Variants in TFPT observed in about 807,000 individuals in gnomAD.
TFPT encodes the protein TCF3 fusion partner, also known as INO80 complex subunit F.
In TFPT, 27 loss-of-function variants were observed where a neutral mutation model predicts 28.8. The observed-to-expected ratio is 0.94, with a 90% CI of 0.69 to 1.29. The LOEUF is 1.29. TFPT is among the 50% of genes most tolerant of loss of function. The probability of loss-of-function intolerance (pLI) is 0.00; values close to 1 mark genes in which losing one functional copy is unlikely to be tolerated. For synonymous variants in TFPT, 152 were observed against 142.8 expected (o/e 1.06, Z -0.46); for missense variants, 330 against 338.0 (o/e 0.98, Z 0.19).
At chr19:54,111,618 T>G (rs780417768) in intron 2 of TFPT, among the ~76,000 whole-genome samples, 1 of 143,762 alleles carries the variant, frequency 7.0e-6, no homozygotes. Flanking sequence ...AGCTGGAGGT[T>G]GCAGTGAGCC....
At chr19:54,110,748 C>G (rs1357905552) in intron 2 of TFPT, among the ~76,000 whole-genome samples, 3 of 151,932 alleles carry the variant, frequency 2.0e-5, no homozygotes, top group Non-Finnish European at 4.4e-5. Context: ...CATGCCAGAA[C>G]CCCACCCGGC....
At chr19:54,115,071 C>T in intron 1 of TFPT, 176 bp downstream of exon 1, 1 of 989,438 alleles carries the variant, frequency 1.0e-6, no homozygotes, top group Non-Finnish European at 1.5e-6. Context: ...CAGTCCAAAC[C>T]CCTAACCTTC....
rs893906178 is a variant in TFPT at position 54,108,575 on chromosome 19, G to A, written c.354-180C>T. 5.0e-6 allele frequency: 8 copies of A among 1,585,630 alleles called. No homozygotes were observed. The South Asian group carries it at 5.7e-5, about 11-fold the overall frequency. On this transcript the variant is annotated intron_variant, in intron 3 of 5. Transcript: ENST00000391759. ...TGCCCTTGACCAGCCTTGAGACCTCGAGCAAGACAAGGCAACCATTCTGAG... is the reference window on the plus strand; with the variant it reads ...TGCCCTTGACCAGCCTTGAGACCTCAAGCAAGACAAGGCAACCATTCTGAG...
intron 3 of TFPT, 79 bp from the exon 4 acceptor site, chr19:54,108,474 C>T (rs1221101177): frequency 1.9e-6 from 3 of 1,613,588 alleles, no homozygotes; most frequent in East Asian, 2.2e-5. Flanking sequence ...TAGAGCTCAG[C>T]TCCCACTCCA....
intron 2 of TFPT, among the ~76,000 whole-genome samples, chr19:54,111,497 T>TAAA (rs11304668): frequency 1.8e-5 from 2 of 111,086 alleles, no homozygotes; most frequent in South Asian, 2.8e-4. Flanking sequence ...TCATCTCTAC[T>TAAA]AAAAAAAAAA....
chr19:54,111,684 GA>G (rs56412241), intron 2 of TFPT, among the ~76,000 whole-genome samples: 77,043 of 119,644 alleles, frequency 0.64, 22,617 homozygotes, highest in East Asian at 0.76. Flanking sequence ...TGTCTCAAAA[GA>G]AAAAAAAAAA....
intron 1 of TFPT, chr19:54,114,958 G>A: frequency 3.0e-6 from 2 of 660,274 alleles, no homozygotes; most frequent in South Asian, 2.1e-5. Context: ...CAAGAGTCCA[G>A]ACCTCCAGAC....
At position 54,114,500 on chromosome 19, in the gene TFPT, C is replaced by T; in HGVS notation, c.224G>A (p.Arg75Gln). ...EAARGRRRRQ[R>Q]ELNRRKYQAL... ...CTGGTACTTTCTGCGATTTAATTCCCGCTGGCGCCGCCGCCGACCCCGGGC... is the reference window on the plus strand; with the variant it reads ...CTGGTACTTTCTGCGATTTAATTCCTGCTGGCGCCGCCGCCGACCCCGGGC... Residue 75 changes from arginine to glutamine, a missense_variant, in exon 2 of 6, where the codon CGG becomes CAG. Physicochemically the swap from Arg to Gln is conservative, Grantham distance 43. Coordinates refer to ENST00000391759, the MANE Select transcript of TFPT (RefSeq NM_013342.4). The T allele has an allele frequency of 6.2e-7, 1 of 1,613,876 alleles. No individual in the cohort carries two copies. The highest frequency in any genetic ancestry group is 8.5e-7 in the Non-Finnish European group (1 of 1,179,996).
chr19:54,111,779 G>GT (rs1433138081), intron 2 of TFPT, among the ~76,000 whole-genome samples: 3 of 151,548 alleles, frequency 2.0e-5, no homozygotes, highest in African/African-American at 4.9e-5. Context: ...GAGGTCAGGA[G>GT]TTTGAGACCA....
At chr19:54,112,044 C>A (rs1443996433) in intron 2 of TFPT, among the ~76,000 whole-genome samples, 6 of 151,996 alleles carry the variant, frequency 3.9e-5, no homozygotes, top group Non-Finnish European at 7.4e-5. Flanking sequence ...AATCCCAGCA[C>A]TTTGAGAGGC....
intron 2 of TFPT, among the ~76,000 whole-genome samples, chr19:54,113,187 T>G (rs1600305602): frequency 1.3e-5 from 2 of 150,298 alleles, no homozygotes; most frequent in South Asian, 4.2e-4. Flanking sequence ...GATCACCTTA[T>G]ATGGAGACAG....
chr19:54,108,208 C>T lies in TFPT; in HGVS notation c.460G>A (p.Gly154Ser). ...GSQGTDAPTP[G>S]NAENEPPEKE... is the part of the protein sequence containing the mutation. ...TCTGGAGGCTCATTCTCCGCATTGC[C>T]TGGGGTGGGGGCATCCGTGCCCTGG... Residue 154 changes from glycine (G) to serine (S), a missense_variant, in exon 5 of 6, where the codon GGC becomes AGC. Gly to Ser is a moderately conservative substitution (Grantham distance 56, BLOSUM62 0). Transcript: ENST00000391759. The T allele has an allele frequency of 6.3e-7, 1 of 1,598,378 alleles. No individual in the cohort carries two copies. Among genetic ancestry groups the T allele is most frequent in the South Asian group, 1.1e-5 (1 of 89,508 alleles).
chr19:54,115,200 A>C, intron 1 of TFPT, 47 bp downstream of exon 1: 1 of 1,613,940 alleles, frequency 6.2e-7, no homozygotes, highest in Non-Finnish European at 8.5e-7. Flanking sequence ...ATGCAGCTGC[A>C]CTGTTTTCTG....
chr19:54,110,716 C>T (rs587606695), intron 2 of TFPT, among the ~76,000 whole-genome samples: 5 of 151,922 alleles, frequency 3.3e-5, no homozygotes, highest in Admixed American at 2.6e-4. Context: ...AAAAAAATTG[C>T]AACACACCCG....
intron 2 of TFPT, 48 bp from the exon 3 acceptor site, chr19:54,110,169 A>G: frequency 6.2e-7 from 1 of 1,604,966 alleles, no homozygotes; most frequent in Non-Finnish European, 8.5e-7. Flanking sequence ...GCTCCCGTTC[A>G]TTTGTTTAAC....
At chr19:54,108,858 T>C in intron 3 of TFPT, 1 of 404,574 alleles carries the variant, frequency 2.5e-6, no homozygotes, top group South Asian at 2.9e-5. Flanking sequence ...TAAGGTTCAA[T>C]TGATGGAATG....
At position 54,107,060 on chromosome 19, in the gene TFPT, G is replaced by C. The variant is rs34939501; in HGVS notation, c.752C>G (p.Ala251Gly). ...TTTATTGGGCATGCGTCAGTCAGAG[G>C]CTGGGCTGGCCAGGGTCGGGTAGGG... ...LLPYPTLASP[A>G]SD Residue 251 changes from alanine (A) to glycine (G), a missense_variant, in exon 6 of 6, where the codon GCC becomes GGC. Physicochemically the swap from Ala to Gly is moderately conservative, Grantham distance 60. Coordinates refer to ENST00000391759, the MANE Select transcript of TFPT (RefSeq NM_013342.4). 0.016 allele frequency: 25,023 copies of C among 1,613,712 alleles called. 308 individuals are homozygous for C. Among genetic ancestry groups the C allele is most frequent in the Non-Finnish European group, 0.017 (19,844 of 1,179,926 alleles).
At chr19:54,111,870 C>T (rs2073465601) in intron 2 of TFPT, among the ~76,000 whole-genome samples, 1 of 151,844 alleles carries the variant, frequency 6.6e-6, no homozygotes, top group African/African-American at 2.4e-5. Context: ...ATCCCAGCTA[C>T]TCGGGAGGCT....
At chr19:54,113,858 A>AT (rs1194999542) in intron 2 of TFPT, among the ~76,000 whole-genome samples, 2 of 151,890 alleles carry the variant, frequency 1.3e-5, no homozygotes, top group African/African-American at 4.8e-5. Flanking sequence ...CACCTGGCTA[A>AT]TTTTTTTGTA....
Sources: gnomAD v4.1 joint callset for allele counts (sites outside exome capture counted in the v4.1 genomes callset) on GRCh38, gnomAD v4.1.1 for gene constraint, MANE v1.5 for transcripts, NCBI Gene and HGNC (gene_info 2026-07-23, HGNC 2026-07-21) for gene names.